The following RCBTB2 variants were observed in gnomAD, a reference collection of about 807,000 sequenced individuals.
The protein encoded by RCBTB2 is RCC1 and BTB domain-containing protein 2.
Under a neutral mutation model 65.4 loss-of-function variants are expected in RCBTB2, and 55 were observed. The ratio of observed to expected loss-of-function variants is 0.84; its 90% CI spans 0.68 to 1.05. The LOEUF is 1.05. Among genes scored for constraint, RCBTB2 ranks in the 50% least tolerant of loss-of-function variants. The pLI, the probability that RCBTB2 is intolerant of heterozygous loss-of-function variation, is 0.00. For missense variants in RCBTB2, 599 were observed against 680.1 expected (o/e 0.88, Z 1.33); for synonymous variants, 220 against 255.2 (o/e 0.86, Z 1.31).
Position 48,489,949 on chromosome 13 carries a change from G to C in RCBTB2, c.*162C>G. ...TCAATGCTTTCTACATAAACTCTGGGTTTAGGCAGACAAAGACCACTCACC... is the reference window on the plus strand; with the variant it reads ...TCAATGCTTTCTACATAAACTCTGGCTTTAGGCAGACAAAGACCACTCACC... On this transcript the variant is annotated 3_prime_UTR_variant, in exon 15 of 15. Transcript: ENST00000344532. 1.3e-6 allele frequency: 1 copy of C among 746,950 alleles called. No individual in the cohort carries two copies. The allele number at this position is 746,950 out of a possible 1,614,324, so 46.3% of individuals were successfully genotyped here.
intron 4 of RCBTB2, among the ~76,000 whole-genome samples, chr13:48,517,641 A>G (rs1448152992): frequency 3.3e-5 from 5 of 152,212 alleles, no homozygotes; most frequent in African/African-American, 1.2e-4. Flanking sequence ...CAGAGCCACC[A>G]GCTTTTTTCT....
intron 4 of RCBTB2, among the ~76,000 whole-genome samples, chr13:48,519,812 G>T (rs2138597364): frequency 6.6e-6 from 1 of 152,296 alleles, no homozygotes; most frequent in African/African-American, 2.4e-5. Flanking sequence ...TTTTAAGTTT[G>T]TTAGGGCAAC....
rs1203513225 is a variant in RCBTB2 at position 48,524,689 on chromosome 13, T to C, written c.-150A>G. 6.6e-6 allele frequency: 1 copy of C among 152,238 alleles called. No homozygotes were observed. The highest frequency in any genetic ancestry group is 1.5e-5 in the Non-Finnish European group (1 of 68,030). 9.4% of individuals were successfully genotyped at this position (152,238 alleles called of 1,614,324 possible). A position where few individuals can be genotyped will look rare whatever the true frequency, so the allele number is the denominator to read the frequency against. ...TGTTTTAAATTTCTGGAACCCAGTA[T>C]TCAGTCATCTTTAATCCTGTTCCTT... On this transcript the variant is annotated 5_prime_UTR_variant, in exon 2 of 15. Transcript: ENST00000344532.
chr13:48,507,163 C>T lies in RCBTB2; in HGVS notation c.926+3466G>A, dbSNP rs1389744250. ...GGCCTTGTGACATATACCTGGCACA[C>T]CCGGCTCCACATGGGAAGTCAGGGG... On this transcript the variant is annotated intron_variant, in intron 10 of 14. Coordinates refer to ENST00000344532, the MANE Select transcript of RCBTB2 (RefSeq NM_001268.4). 1.1e-4 allele frequency among the ~76,000 whole-genome samples: 16 copies of T among 152,190 alleles called. 1 individual carries two copies. Among genetic ancestry groups the T allele is most frequent in the Non-Finnish European group, 2.9e-5 (2 of 68,038 alleles).
chr13:48,523,671 G>C (rs1342630911), intron 2 of RCBTB2, among the ~76,000 whole-genome samples: 1 of 152,142 alleles, frequency 6.6e-6, no homozygotes, highest in Non-Finnish European at 1.5e-5. Flanking sequence ...AGAGAAAAAA[G>C]AAGGGACCAA....
intron 4 of RCBTB2, among the ~76,000 whole-genome samples, chr13:48,516,865 G>A (rs1360364351): frequency 6.6e-6 from 1 of 152,186 alleles, no homozygotes; most frequent in East Asian, 1.9e-4. Context: ...CATTTTGTAG[G>A]TTATAATAAG....
chr13:48,489,293 T>A lies in RCBTB2; in HGVS notation c.*818A>T, dbSNP rs1949604629. On this transcript the variant is annotated 3_prime_UTR_variant, in exon 15 of 15. Transcript: ENST00000344532. ...AAAGTCAACTACAAGAAAAGCACATTGTCATTTTCATTTACAGAGGCAAGT... is the reference window on the plus strand; with the variant it reads ...AAAGTCAACTACAAGAAAAGCACATAGTCATTTTCATTTACAGAGGCAAGT... The A allele has an allele frequency of 6.6e-6, 1 of 152,208 alleles. No homozygotes were observed. The highest frequency in any genetic ancestry group is 6.5e-5 in the Admixed American group (1 of 15,280). The allele number at this position is 152,208 out of a possible 1,614,324, so 9.4% of individuals were successfully genotyped here.
chr13:48,519,160 T>C (rs1233497279), intron 4 of RCBTB2, among the ~76,000 whole-genome samples: 1 of 152,184 alleles, frequency 6.6e-6, no homozygotes, highest in African/African-American at 2.4e-5. Flanking sequence ...ACATATCATC[T>C]GATTGTTGAG....
intron 9 of RCBTB2, among the ~76,000 whole-genome samples, chr13:48,511,261 C>G (rs1307392129): frequency 6.6e-6 from 1 of 152,076 alleles, no homozygotes; most frequent in Non-Finnish European, 1.5e-5. Context: ...TTTACCATTA[C>G]ACATAGCAGT....
At chr13:48,508,311 T>A (rs7984753) in intron 10 of RCBTB2, among the ~76,000 whole-genome samples, 1 of 152,208 alleles carries the variant, frequency 6.6e-6, no homozygotes, top group Admixed American at 6.5e-5. Flanking sequence ...CGCCCGTGAT[T>A]GAGTGCCTGG....
chr13:48,524,910 G>A (rs1255396356), intron 1 of RCBTB2, among the ~76,000 whole-genome samples, 153 bp from the exon 2 acceptor site: 1 of 152,098 alleles, frequency 6.6e-6, no homozygotes, highest in East Asian at 1.9e-4. Flanking sequence ...GTCAGCAGCA[G>A]AGATGCTCTA....
At chr13:48,531,443 C>T (rs80333011) in intron 1 of RCBTB2, among the ~76,000 whole-genome samples, 7,507 of 152,252 alleles carry the variant, frequency 0.049, 467 homozygotes, top group African/African-American at 0.14. Flanking sequence ...TTTGGAGAGC[C>T]AGACATTTTA....
intron 13 of RCBTB2, among the ~76,000 whole-genome samples, chr13:48,496,690 G>A (rs551425601): frequency 1.3e-5 from 2 of 150,390 alleles, no homozygotes; most frequent in South Asian, 4.3e-4. Flanking sequence ...AAGAGTGCCC[G>A]CCGTGAAAAG....
intron 14 of RCBTB2, among the ~76,000 whole-genome samples, chr13:48,495,415 A>G (rs1355250761): frequency 1.3e-5 from 2 of 152,150 alleles, no homozygotes; most frequent in Non-Finnish European, 2.9e-5. Flanking sequence ...TTTTTCACTT[A>G]GTGATATATC....
intron 10 of RCBTB2, among the ~76,000 whole-genome samples, chr13:48,508,944 T>C (rs903554939): frequency 1.3e-5 from 2 of 152,142 alleles, no homozygotes; most frequent in African/African-American, 2.4e-5. Context: ...AGCAGTGCAA[T>C]GCAGCAAGTC....
At chr13:48,516,196 G>A (rs550516307) in intron 4 of RCBTB2, among the ~76,000 whole-genome samples, 27 of 152,224 alleles carry the variant, frequency 1.8e-4, no homozygotes, top group African/African-American at 6.3e-4. Flanking sequence ...CCAAGGAAAT[G>A]GTCCGAAGTT....
At chr13:48,532,597 C>T (rs1952207029) in intron 1 of RCBTB2, 2 of 189,874 alleles carry the variant, frequency 1.1e-5, no homozygotes, top group African/African-American at 4.8e-5. Flanking sequence ...GACGTGGGAG[C>T]TTAGGATGAG....
chr13:48,498,140 C>A (rs892232823), intron 13 of RCBTB2, among the ~76,000 whole-genome samples: 3 of 152,192 alleles, frequency 2.0e-5, no homozygotes, highest in Non-Finnish European at 2.9e-5. Context: ...GTGGATAGAG[C>A]TTGGAATGCA....
rs772720094 is a variant in RCBTB2, at chr13:48,511,766, G to A, written c.783+4C>T. On this transcript the variant is annotated splice_donor_region_variant and intron_variant, in intron 9 of 14. Transcript: ENST00000344532. ...ACACGCACACAAACTGACAGTGGAC[G>A]TACCCTCTGGACACGGATGCCTTGC... 20 of 1,612,162 alleles carry A rather than the reference G, an allele frequency of 1.2e-5. No homozygotes were observed. Among genetic ancestry groups the A allele is most frequent in the South Asian group, 8.8e-5 (8 of 90,946 alleles).
Sources: gnomAD v4.1 joint callset for allele counts (sites outside exome capture counted in the v4.1 genomes callset) on GRCh38, gnomAD v4.1.1 for gene constraint, MANE v1.5 for transcripts, NCBI Gene and HGNC (gene_info 2026-07-23, HGNC 2026-07-21) for gene names.